ADAMTS18: variants seen among roughly 807,000 people sequenced by gnomAD.
ADAMTS18 encodes ADAM metallopeptidase with thrombospondin type 1 motif 18.
A neutral mutation model predicts 165.9 loss-of-function variants in ADAMTS18; 157 were observed. The ratio of observed to expected loss-of-function variants is 0.95; its 90% CI spans 0.83 to 1.08. The LOEUF is 1.08. ADAMTS18 is among the 50% of genes least tolerant of loss of function. ADAMTS18 has a pLI of 0.00. For synonymous variants in ADAMTS18, 782 were observed against 578.2 expected (o/e 1.35, Z -5.06); for missense variants, 2,040 against 1,534.0 (o/e 1.33, Z -5.51).
intron 16 of ADAMTS18, among the ~76,000 whole-genome samples, chr16:77,315,591 T>A (rs550609960): frequency 1.3e-5 from 2 of 152,270 alleles, no homozygotes; most frequent in South Asian, 4.2e-4. Flanking sequence ...TCTGTGAAGA[T>A]CCTGTTTCCA....
intron 11 of ADAMTS18, among the ~76,000 whole-genome samples, chr16:77,337,093 T>C (rs754432295): frequency 6.6e-6 from 1 of 152,244 alleles, no homozygotes; most frequent in Non-Finnish European, 1.5e-5. Context: ...TTCTTCAAAT[T>C]CTTGCCATGT....
In ADAMTS18 at chr16:77,411,446, G is replaced by A. The variant is rs138918620; in HGVS notation, c.495+19849C>T. On this transcript the variant is annotated intron_variant, in intron 3 of 22. Transcript: ENST00000282849. ...ATTTCATGAGTCAGTAGATAGACTT[G>A]GACTTTAAAAATATTTAATAATAGA... 4.6e-3 allele frequency among the ~76,000 whole-genome samples: 696 copies of A among 152,080 alleles called. 3 individuals carry two copies. The highest frequency in any genetic ancestry group is 6.7e-3 in the Non-Finnish European group (455 of 68,000).
chr16:77,334,517 A>G (rs2056257165), intron 12 of ADAMTS18, among the ~76,000 whole-genome samples: 1 of 112,560 alleles, frequency 8.9e-6, no homozygotes, highest in Non-Finnish European at 1.6e-5. Context: ...ATTATAGTAT[A>G]TATTATATAG....
intron 3 of ADAMTS18, among the ~76,000 whole-genome samples, chr16:77,424,665 C>T (rs1179189790): frequency 6.6e-6 from 1 of 152,114 alleles, no homozygotes; most frequent in Non-Finnish European, 1.5e-5. Context: ...CTTCACAAAT[C>T]ATGTCTGAAG....
At position 77,356,535 on chromosome 16, in the gene ADAMTS18, G is replaced by T. The variant is rs150349629; in HGVS notation, c.1323-458C>A. Reference sequence around the variant, plus strand: ...TGTTTATGAACTGTTCATATATAAGGCTAGCATGGTATAAAAACTTCTCTC... The same window carrying T: ...TGTTTATGAACTGTTCATATATAAGTCTAGCATGGTATAAAAACTTCTCTC... On this transcript the variant is annotated intron_variant, in intron 8 of 22. Coordinates refer to ENST00000282849, the MANE Select transcript of ADAMTS18 (RefSeq NM_199355.4). 2.6e-5 allele frequency among the ~76,000 whole-genome samples: 4 copies of T among 152,210 alleles called. No homozygotes were observed. In the East Asian group the frequency reaches 5.8e-4, roughly 22 times the overall value.
At chr16:77,408,291 C>T (rs1038844826) in intron 3 of ADAMTS18, among the ~76,000 whole-genome samples, 4 of 152,262 alleles carry the variant, frequency 2.6e-5, no homozygotes, top group African/African-American at 9.6e-5. Flanking sequence ...AGAAAACTGA[C>T]ATTTTCTACC....
intron 16 of ADAMTS18, among the ~76,000 whole-genome samples, chr16:77,312,699 A>G (rs2055806035): frequency 6.6e-6 from 1 of 152,200 alleles, no homozygotes; most frequent in Non-Finnish European, 1.5e-5. Flanking sequence ...AAAAATGCTC[A>G]TCATCACTGG....
chr16:77,293,029 C>A, intron 20 of ADAMTS18, 47 bp downstream of exon 20: 1 of 1,611,322 alleles, frequency 6.2e-7, no homozygotes, highest in Non-Finnish European at 8.5e-7. Flanking sequence ...CTGTGTTAGC[C>A]AGGATGGTCT....
chr16:77,415,362 G>A (rs2057516841), intron 3 of ADAMTS18, among the ~76,000 whole-genome samples: 1 of 152,162 alleles, frequency 6.6e-6, no homozygotes, highest in Non-Finnish European at 1.5e-5. Flanking sequence ...ACAGAAAAGT[G>A]GAGAGGGGTT....
At position 77,294,989 on chromosome 16, in the gene ADAMTS18, G is replaced by T; in HGVS notation, c.2940C>A (p.Pro980=). 1 of 1,614,158 alleles carries T rather than the reference G, an allele frequency of 6.2e-7. No homozygotes were observed. The change falls in exon 19 of 23, where the codon CCC becomes CCA. Residue 980 remains proline (P), a synonymous_variant. Transcript: ENST00000282849. ...GGCTGTTGCAGGCTTGGACCTGAGT[G>T]GGTGTGCTCACTGGACAGAGAGAAT... ...VLHSLCPVST[P]TQVQACNSHA...
chr16:77,332,827 A>C (rs566658092), intron 12 of ADAMTS18, among the ~76,000 whole-genome samples: 1 of 152,230 alleles, frequency 6.6e-6, no homozygotes, highest in Non-Finnish European at 1.5e-5. Flanking sequence ...TAGTTGTCAC[A>C]GTGGGACTTT....
Position 77,406,314 on chromosome 16 carries a change from A to G in ADAMTS18, c.495+24981T>C, listed in dbSNP as rs2057392712. 2.0e-5 allele frequency among the ~76,000 whole-genome samples: 3 copies of G among 152,298 alleles called. 1 individual carries two copies. The South Asian group carries it at 6.2e-4, about 32-fold the overall frequency. ...TATAGGTATAAATTATTAGAGAATT[A>G]CAAATAAAAGGTGTTATCATCAATC... On this transcript the variant is annotated intron_variant, in intron 3 of 22. Coordinates refer to ENST00000282849, the MANE Select transcript of ADAMTS18 (RefSeq NM_199355.4).
chr16:77,340,559 G>C (rs1366543), intron 11 of ADAMTS18, among the ~76,000 whole-genome samples: 135,759 of 152,180 alleles, frequency 0.89, 60,805 homozygotes, highest in African/African-American at 0.96. Context: ...ATCTAGTAAT[G>C]AATAAATTAT....
At chr16:77,359,630 T>C (rs1403984141) in intron 7 of ADAMTS18, among the ~76,000 whole-genome samples, 1 of 152,200 alleles carries the variant, frequency 6.6e-6, no homozygotes, top group African/African-American at 2.4e-5. Context: ...ATTTTCTTGC[T>C]TTTGTTACAT....
chr16:77,293,285 G>C (rs998799943), intron 19 of ADAMTS18, 27 bp from the exon 20 acceptor site: 2 of 1,598,476 alleles, frequency 1.3e-6, no homozygotes, highest in Admixed American at 1.7e-5. Flanking sequence ...AGTTCTATTT[G>C]CATTCCCATT....
intron 8 of ADAMTS18, among the ~76,000 whole-genome samples, chr16:77,356,696 G>T (rs1216037343): frequency 1.3e-5 from 2 of 152,074 alleles, no homozygotes; most frequent in African/African-American, 2.4e-5. Flanking sequence ...TTATCTTTCA[G>T]ATGTATTATA....
intron 3 of ADAMTS18, among the ~76,000 whole-genome samples, chr16:77,423,570 A>G (rs894459025): frequency 6.6e-6 from 1 of 152,196 alleles, no homozygotes. Context: ...ATGAAGAAAT[A>G]AAGCATAGCC....
chr16:77,338,524 A>G (rs1294142323), intron 11 of ADAMTS18, among the ~76,000 whole-genome samples: 1 of 152,034 alleles, frequency 6.6e-6, no homozygotes, highest in African/African-American at 2.4e-5. Context: ...GGCATGAGCC[A>G]CCACGTCCAG....
intron 12 of ADAMTS18, among the ~76,000 whole-genome samples, chr16:77,329,894 T>G (rs1597130004): frequency 6.6e-6 from 1 of 152,254 alleles, no homozygotes; most frequent in Non-Finnish European, 1.5e-5. Flanking sequence ...ATTAGACAAC[T>G]ATAAAGAGCA....
Sources: gnomAD v4.1 joint callset for allele counts (sites outside exome capture counted in the v4.1 genomes callset) on GRCh38, gnomAD v4.1.1 for gene constraint, MANE v1.5 for transcripts, NCBI Gene and HGNC (gene_info 2026-07-23, HGNC 2026-07-21) for gene names.